Variants in RAB37 observed in about 807,000 individuals in gnomAD.
RAB37 encodes the protein ras-related protein Rab-37.
In RAB37, 29 loss-of-function variants were observed where a neutral mutation model predicts 33.1. The observed-to-expected ratio is 0.88, with a 90% CI of 0.65 to 1.20. The LOEUF (loss-of-function observed/expected upper bound fraction) is 1.20. RAB37 is among the 50% of genes most tolerant of loss of function. The pLI is 0.00. For synonymous variants in RAB37, 128 were observed against 119.5 expected (o/e 1.07, Z -0.47); for missense variants, 299 against 301.1 (o/e 0.99, Z 0.05).
At chr17:74,693,853 C>T (rs1456467049) in intron 1 of RAB37, among the ~76,000 whole-genome samples, 1 of 150,940 alleles carries the variant, frequency 6.6e-6, no homozygotes, top group Non-Finnish European at 1.5e-5. Flanking sequence ...TGCTTGAACC[C>T]GGGAATCAGA....
At chr17:74,682,912 A>C (rs1368948722) in intron 1 of RAB37, among the ~76,000 whole-genome samples, 1 of 152,226 alleles carries the variant, frequency 6.6e-6, no homozygotes, top group Non-Finnish European at 1.5e-5. Flanking sequence ...CTCAAAAAAA[A>C]AGAGTGGAAG....
intron 1 of RAB37, chr17:74,705,238 G>A (rs557586480): frequency 3.6e-5 from 25 of 702,356 alleles, no homozygotes; most frequent in South Asian, 2.8e-4. Flanking sequence ...TCATGAGGTC[G>A]AGCTGAGGCA....
chr17:74,701,167 A>C (rs975464111), intron 1 of RAB37, among the ~76,000 whole-genome samples: 1 of 152,264 alleles, frequency 6.6e-6, no homozygotes, highest in Non-Finnish European at 1.5e-5. Context: ...AAGCAAACTA[A>C]TATAAGGATT....
In RAB37 at chr17:74,729,117, G is replaced by A; in HGVS notation, c.73-139G>A. On this transcript the variant is annotated intron_variant, in intron 1 of 7. Coordinates refer to the RAB37 transcript ENST00000340415. The surrounding 1 kb of genome is among the most constrained non-coding windows in gnomAD (Gnocchi z 4.2). The stretch of plus-strand genomic sequence containing the variant: ...CTGTATGTGTGTGTCAGTGTCTTGT[G>A]TGTGTGTGTTTCTGTGTGTGTGTGT... The A allele has an allele frequency of 1.5e-6, 1 of 679,980 alleles. No individual in the cohort carries two copies. The highest frequency in any genetic ancestry group is 2.7e-6 in the Non-Finnish European group (1 of 364,068). 42.1% of individuals were successfully genotyped at this position (679,980 alleles called of 1,614,324 possible).
intron 1 of RAB37, among the ~76,000 whole-genome samples, chr17:74,725,467 C>T (rs529916807): frequency 1.3e-5 from 2 of 152,194 alleles, no homozygotes; most frequent in African/African-American, 2.4e-5. Context: ...AGCCTTTGGC[C>T]ATGTGGACAC....
chr17:74,743,231 C>T (rs868460803), intron 4 of RAB37, 36 bp downstream of exon 4: 1 of 1,613,672 alleles, frequency 6.2e-7, no homozygotes, highest in Non-Finnish European at 8.5e-7. Context: ...CTACCCCAGC[C>T]CCTTGGTAGC....
At chr17:74,701,027 A>G (rs1226038179) in intron 1 of RAB37, among the ~76,000 whole-genome samples, 1 of 152,234 alleles carries the variant, frequency 6.6e-6, no homozygotes, top group Non-Finnish European at 1.5e-5. Flanking sequence ...GCCATCTACA[A>G]GCTGAGAAGA....
upstream of RAB37, chr17:74,736,593 T>G (rs1379777266): frequency 6.5e-7 from 1 of 1,527,918 alleles, no homozygotes; most frequent in Non-Finnish European, 8.7e-7. Flanking sequence ...CGCAGCCCTC[T>G]TGCGAAAGCT....
intron 1 of RAB37, among the ~76,000 whole-genome samples, chr17:74,701,451 G>A (rs189512991): frequency 1.3e-5 from 2 of 152,270 alleles, no homozygotes; most frequent in African/African-American, 2.4e-5. Flanking sequence ...ATAAGGCTTC[G>A]ATTCATAAAA....
chr17:74,742,861 G>A lies in RAB37; in HGVS notation c.247-268G>A, dbSNP rs188551171. On this transcript the variant is annotated intron_variant, in intron 3 of 8. Transcript: ENST00000392613. This position sits in a 1 kb window ranked among gnomAD's most constrained non-coding sequence, Gnocchi z 4.0. ...AGGATGGTCTGGATCTCCTGACCTC[G>A]TGATCCGCCTGCCTCGGCCTCCCAA... 3.3e-5 allele frequency among the ~76,000 whole-genome samples: 5 copies of A among 152,180 alleles called. No individual in the cohort carries two copies. The East Asian group carries it at 5.8e-4, about 18-fold the overall frequency.
intron 1 of RAB37, among the ~76,000 whole-genome samples, chr17:74,683,428 T>C (rs1354582339): frequency 6.6e-6 from 1 of 152,132 alleles, no homozygotes; most frequent in Non-Finnish European, 1.5e-5. Context: ...TCCATTGCTG[T>C]GTAGGGCGTG....
intron 1 of RAB37, among the ~76,000 whole-genome samples, chr17:74,715,559 C>T (rs2034154745): frequency 6.6e-6 from 1 of 152,166 alleles, no homozygotes; most frequent in Admixed American, 6.5e-5. Flanking sequence ...ATGGGGGCTG[C>T]CCTGAAAAAC....
intron 1 of RAB37, among the ~76,000 whole-genome samples, chr17:74,685,159 A>G (rs1231593849): frequency 6.6e-6 from 1 of 151,518 alleles, no homozygotes; most frequent in Admixed American, 6.6e-5. Flanking sequence ...TTTGCAAGAT[A>G]GCCATGGGAT....
In RAB37 at chr17:74,671,367, CCTGGTG is replaced by C. The variant is rs2031699689; in HGVS notation, c.-216_-211del. The C allele has an allele frequency of 1.8e-6, 1 of 547,970 alleles. No homozygotes were observed. The highest frequency in any genetic ancestry group is 3.0e-5 in the Admixed American group (1 of 33,012). 33.9% of individuals were successfully genotyped at this position (547,970 alleles called of 1,614,324 possible). Reference sequence around the variant, plus strand: ...GGCGCACAACGGCGGAGTCGCTGTTCCTGGTGCTGAAACGCTCAGTCCTGGAAGAAC... The same window carrying C: ...GGCGCACAACGGCGGAGTCGCTGTTCCTGAAACGCTCAGTCCTGGAAGAAC... On this transcript the variant is annotated 5_prime_UTR_variant, in exon 1 of 8. Coordinates refer to the RAB37 transcript ENST00000340415. The surrounding 1 kb of genome is among the most constrained non-coding windows in gnomAD (Gnocchi z 5.0).
At chr17:74,704,742 A>G (rs112314108) in intron 1 of RAB37, 2 of 1,614,124 alleles carry the variant, frequency 1.2e-6, no homozygotes, top group East Asian at 4.5e-5. Context: ...CTGTAAACAC[A>G]CTGCACGGTC....
chr17:74,673,694 C>A (rs1180797821), intron 1 of RAB37, among the ~76,000 whole-genome samples: 1 of 151,940 alleles, frequency 6.6e-6, no homozygotes, highest in Non-Finnish European at 1.5e-5. Context: ...AGAGTGGGAA[C>A]CCATTCCAAC....
At chr17:74,713,057 G>A (rs1178608196) in intron 1 of RAB37, 7 of 573,776 alleles carry the variant, frequency 1.2e-5, no homozygotes, top group South Asian at 8.2e-5. Context: ...CTGTAATCCT[G>A]GCACTTTGGG....
chr17:74,712,913 A>T, intron 1 of RAB37: 2 of 1,596,170 alleles, frequency 1.3e-6, no homozygotes, highest in Non-Finnish European at 1.7e-6. Flanking sequence ...GCCTGGCAGC[A>T]GGAACAAACT....
At chr17:74,732,637 G>A (rs1194130919), upstream of RAB37, among the ~76,000 whole-genome samples, 4 of 151,894 alleles carry the variant, frequency 2.6e-5, no homozygotes, top group Non-Finnish European at 4.4e-5. Context: ...TGTGTGTGGT[G>A]TGAGGTGTAT....
Sources: gnomAD v4.1 joint callset for allele counts (sites outside exome capture counted in the v4.1 genomes callset) on GRCh38, gnomAD v4.1.1 for gene constraint, Gnocchi (gnomAD v3.1) non-coding constraint, MANE v1.5 for transcripts, NCBI Gene and HGNC (gene_info 2026-07-23, HGNC 2026-07-21) for gene names.